The following TMEM51 variants were observed in gnomAD, a reference collection of about 807,000 sequenced individuals.
The protein encoded by TMEM51 is transmembrane protein 51, also known as chromosome 1 open reading frame 72.
Under a neutral mutation model 13.6 loss-of-function variants are expected in TMEM51, and 8 were observed. The observed-to-expected ratio is 0.59, with a 90% CI of 0.35 to 1.07. The LOEUF is 1.07. Ranked by LOEUF, TMEM51 falls within the 50% of genes least tolerant of loss-of-function variation. The pLI is 0.02. For synonymous variants in TMEM51, 147 were observed against 144.4 expected (o/e 1.02, Z -0.13); for missense variants, 279 against 330.7 (o/e 0.84, Z 1.21).
At chr1:15,206,210 G>A (rs1235588328) in intron 1 of TMEM51, among the ~76,000 whole-genome samples, 4 of 122,892 alleles carry the variant, frequency 3.3e-5, no homozygotes, top group Non-Finnish European at 6.4e-5. Context: ...CAGCCTGGAT[G>A]ACAGAGTGAG....
At chr1:15,189,701 C>G (rs1314068566) in intron 1 of TMEM51, among the ~76,000 whole-genome samples, 1 of 152,192 alleles carries the variant, frequency 6.6e-6, no homozygotes, top group Non-Finnish European at 1.5e-5. Flanking sequence ...AGGGACAAGA[C>G]AGCAGCCAGG....
At chr1:15,171,118 T>TCCCCCC in intron 1 of TMEM51, 4 of 547,034 alleles carry the variant, frequency 7.3e-6, no homozygotes, top group South Asian at 5.4e-5. Flanking sequence ...CCCCGCCACA[T>TCCCCCC]CCCCCACCCC....
chr1:15,198,589 T>A (rs2100301713), intron 1 of TMEM51, among the ~76,000 whole-genome samples: 1 of 152,126 alleles, frequency 6.6e-6, no homozygotes, highest in East Asian at 1.9e-4. Flanking sequence ...GGCTAATTTT[T>A]GTATTTTTAG....
In TMEM51 at chr1:15,219,308, C is replaced by CT. The variant is rs1251643834; in HGVS notation, c.345-17dup. The CT allele has an allele frequency of 1.9e-6, 3 of 1,561,514 alleles. No individual in the cohort carries two copies. The African/African-American group carries it at 4.1e-5, about 21-fold the overall frequency. On this transcript the variant is annotated splice_polypyrimidine_tract_variant and intron_variant, in intron 3 of 3. Coordinates refer to ENST00000376008, the MANE Select transcript of TMEM51 (RefSeq NM_001136218.2). ...GAGCACAGGCTAACACTCTCCCTGT[C>CT]TGTGTGTCTTCTTGCAGCCAGGAGG...
chr1:15,189,385 T>C (rs1441001711), intron 1 of TMEM51, among the ~76,000 whole-genome samples: 1 of 152,110 alleles, frequency 6.6e-6, no homozygotes, highest in Non-Finnish European at 1.5e-5. Context: ...TTGTGCTGGT[T>C]GTTCAGCCTG....
chr1:15,190,161 G>A (rs530572011), intron 1 of TMEM51, among the ~76,000 whole-genome samples: 1 of 152,310 alleles, frequency 6.6e-6, no homozygotes, highest in South Asian at 2.1e-4. Flanking sequence ...TTCAGAGGAT[G>A]GACTCTGGAC....
In TMEM51 at chr1:15,191,633, G is replaced by A. The variant is rs75796124; in HGVS notation, c.-266-18857G>A. On this transcript the variant is annotated intron_variant, in intron 1 of 3. Coordinates refer to ENST00000376008, the MANE Select transcript of TMEM51 (RefSeq NM_001136218.2). ...CTCACTTTAATAAGTAGCAGAGCAC[G>A]GCTGTGAGATGACTGCTATTTTCTC... Among the ~76,000 whole-genome samples the A allele has an allele frequency of 2.2e-3, 339 of 152,280 alleles. 2 individuals carry two copies. The highest frequency in any genetic ancestry group is 7.8e-3 in the African/African-American group (325 of 41,554).
At chr1:15,208,813 G>C (rs1644292658) in intron 1 of TMEM51, among the ~76,000 whole-genome samples, 1 of 152,026 alleles carries the variant, frequency 6.6e-6, no homozygotes, top group Non-Finnish European at 1.5e-5. Context: ...CAAGACAGGA[G>C]CCTCGTCCAG....
intron 1 of TMEM51, among the ~76,000 whole-genome samples, chr1:15,190,184 T>G (rs187027818): frequency 6.6e-6 from 1 of 152,318 alleles, no homozygotes; most frequent in East Asian, 1.9e-4. Flanking sequence ...ACTATCTGTC[T>G]CACAGCCGTG....
chr1:15,199,336 G>T (rs948172860), intron 1 of TMEM51, among the ~76,000 whole-genome samples: 2 of 152,088 alleles, frequency 1.3e-5, no homozygotes, highest in African/African-American at 4.8e-5. Flanking sequence ...GTCCCACCAT[G>T]TTGGCCAGGC....
At chr1:15,172,126 C>T (rs1643298415) in intron 1 of TMEM51, among the ~76,000 whole-genome samples, 2 of 152,182 alleles carry the variant, frequency 1.3e-5, no homozygotes, top group South Asian at 4.1e-4. Flanking sequence ...CCTGTAATCC[C>T]AGCACTTTGG....
intron 1 of TMEM51, among the ~76,000 whole-genome samples, chr1:15,169,757 G>C (rs1358648252): frequency 6.6e-6 from 1 of 152,200 alleles, no homozygotes; most frequent in African/African-American, 2.4e-5. Context: ...GAAAGACATA[G>C]AAAGATGAGT....
intron 3 of TMEM51, among the ~76,000 whole-genome samples, chr1:15,217,365 G>A (rs1644447606): frequency 6.6e-6 from 1 of 152,182 alleles, no homozygotes; most frequent in Non-Finnish European, 1.5e-5. Flanking sequence ...ATAATTGAAA[G>A]TGGGTGTAAG....
At position 15,176,023 on chromosome 1, in the gene TMEM51, A is replaced by G. The variant is rs12083438; in HGVS notation, c.-267+22069A>G. Among the ~76,000 whole-genome samples, 305 of 152,214 alleles carry G rather than the reference A, an allele frequency of 2.0e-3. 1 individual carries two copies. Among genetic ancestry groups the G allele is most frequent in the African/African-American group, 7.1e-3 (293 of 41,526 alleles). On this transcript the variant is annotated intron_variant, in intron 1 of 3. Coordinates refer to ENST00000376008, the MANE Select transcript of TMEM51 (RefSeq NM_001136218.2). Reference sequence around the variant, plus strand: ...ACCCATCTTCCACCTTGACTCTTACATTCTTCTGTTTTCTTTTCCAGACAT... The same window carrying G: ...ACCCATCTTCCACCTTGACTCTTACGTTCTTCTGTTTTCTTTTCCAGACAT...
At chr1:15,177,478 G>A (rs1294139453) in intron 1 of TMEM51, among the ~76,000 whole-genome samples, 1 of 152,158 alleles carries the variant, frequency 6.6e-6, no homozygotes, top group East Asian at 1.9e-4. Flanking sequence ...AGATGCTGCA[G>A]CAATGGGGAT....
chr1:15,158,855 G>T (rs1327364669), intron 1 of TMEM51, among the ~76,000 whole-genome samples: 3 of 152,178 alleles, frequency 2.0e-5, no homozygotes, highest in Non-Finnish European at 2.9e-5. Context: ...TTTTCCGCTG[G>T]ATTTTTAAAA....
intron 1 of TMEM51, among the ~76,000 whole-genome samples, chr1:15,190,212 A>G (rs1643897503): frequency 6.6e-6 from 1 of 152,102 alleles, no homozygotes; most frequent in South Asian, 2.1e-4. Context: ...ACTTATTAAC[A>G]TGAGGCTTTG....
At chr1:15,175,164 C>A (rs1643416657) in intron 1 of TMEM51, among the ~76,000 whole-genome samples, 1 of 152,130 alleles carries the variant, frequency 6.6e-6, no homozygotes, top group Admixed American at 6.5e-5. Context: ...CTTTGGGAGG[C>A]CGAGGTGGGT....
rs1241166834 is a variant in TMEM51, at chr1:15,219,585, A to G, written c.604A>G (p.Lys202Glu). 2 of 1,613,964 alleles carry G rather than the reference A, an allele frequency of 1.2e-6. No individual in the cohort carries two copies. The highest frequency in any genetic ancestry group is 2.7e-5 in the African/African-American group (2 of 74,928). ...SKLAKRLKPL[K>E]VRRIKSEKLH... ...GTTGGCCAAACGACTGAAACCGCTGAAAGTTCGAAGGATTAAATCTGAAAA... is the reference window on the plus strand; with the variant it reads ...GTTGGCCAAACGACTGAAACCGCTGGAAGTTCGAAGGATTAAATCTGAAAA... The change falls in exon 4 of 4, where the codon AAA becomes GAA. Residue 202 changes from lysine to glutamate, a missense_variant. Physicochemically the swap from Lys to Glu is moderately conservative, Grantham distance 56 (BLOSUM62 1). Transcript: ENST00000376008.
Sources: allele counts gnomAD v4.1 joint callset (sites outside exome capture counted in the v4.1 genomes callset), GRCh38; gene constraint gnomAD v4.1.1; transcripts MANE v1.5; gene names NCBI Gene and HGNC (gene_info 2026-07-23, HGNC 2026-07-21).